TBL1X: variants seen among roughly 807,000 people sequenced by gnomAD.
The protein encoded by TBL1X is F-box-like/WD repeat-containing protein TBL1X.
A neutral mutation model predicts 50.7 loss-of-function variants in TBL1X; 10 were observed. That is an observed-to-expected ratio of 0.20 (90% CI 0.12 to 0.33). The LOEUF (loss-of-function observed/expected upper bound fraction) is 0.33. Among genes scored for constraint, TBL1X ranks in the 10% least tolerant of loss-of-function variants. The probability of loss-of-function intolerance (pLI) is 1.00; values close to 1 mark genes in which losing one functional copy is unlikely to be tolerated. For missense variants in TBL1X, 340 were observed against 504.4 expected (o/e 0.67, Z 3.12); for synonymous variants, 190 against 214.7 (o/e 0.88, Z 1.01).
At chrX:9,488,032 C>T (rs1001177510) in intron 1 of TBL1X, among the ~76,000 whole-genome samples, 2 of 111,678 alleles carry the variant, frequency 1.8e-5, no homozygotes, top group South Asian at 3.7e-4. Flanking sequence ...TTACTTTTCC[C>T]GGGTTGGGTT....
chrX:9,708,509 C>A (rs184283485), intron 13 of TBL1X, among the ~76,000 whole-genome samples: 54 of 111,381 alleles, frequency 4.8e-4, no homozygotes, highest in African/African-American at 1.8e-3. Context: ...TCATGTTTAC[C>A]CCTCCCTCCG....
At chrX:9,629,575 CG>C (rs1202154709) in intron 2 of TBL1X, among the ~76,000 whole-genome samples, 3 of 112,228 alleles carry the variant, frequency 2.7e-5, no homozygotes. Context: ...AGTGAGTATG[CG>C]TGTGTTTCTC....
At chrX:9,497,726 C>T (rs1049109062) in intron 1 of TBL1X, among the ~76,000 whole-genome samples, 14 of 106,679 alleles carry the variant, frequency 1.3e-4, no homozygotes, top group Admixed American at 1.3e-3. Flanking sequence ...TCCAGGAGAT[C>T]GAGATTAGCG....
intron 2 of TBL1X, among the ~76,000 whole-genome samples, chrX:9,576,443 A>G (rs2082412203): frequency 8.9e-6 from 1 of 112,369 alleles, no homozygotes; most frequent in Non-Finnish European, 1.9e-5. Context: ...AGATGGGGCC[A>G]GATATCTTGC....
At chrX:9,584,848 T>C (rs1352722175) in intron 2 of TBL1X, among the ~76,000 whole-genome samples, 5 of 111,372 alleles carry the variant, frequency 4.5e-5, no homozygotes, top group Non-Finnish European at 9.4e-5. Context: ...ACAGGAAGTG[T>C]CTGTTTAGTG....
intron 2 of TBL1X, among the ~76,000 whole-genome samples, chrX:9,609,336 G>GGTGTGTGTGTGTGTGTGTGTGTGT (rs775969638): frequency 4.2e-5 from 4 of 94,774 alleles, no homozygotes; most frequent in African/African-American, 1.6e-4. Context: ...TTTTCTTCCA[G>GGTGTGTGTGTGTGTGTGTGTGTGT]GTGTGTGTGT....
intron 2 of TBL1X, among the ~76,000 whole-genome samples, chrX:9,589,512 C>T (rs1181419296): frequency 9.0e-6 from 1 of 111,207 alleles, no homozygotes; most frequent in East Asian, 2.8e-4. Context: ...TGGACTGAGC[C>T]TTCCGATCGG....
intron 1 of TBL1X, among the ~76,000 whole-genome samples, chrX:9,470,368 C>T (rs2081806128): frequency 8.9e-6 from 1 of 112,735 alleles, no homozygotes; most frequent in African/African-American, 3.2e-5. Flanking sequence ...CGATTCTCCT[C>T]CTCAGCCTCC....
chrX:9,608,857 G>A (rs749667057), intron 2 of TBL1X, among the ~76,000 whole-genome samples: 5 of 112,192 alleles, frequency 4.5e-5, no homozygotes, highest in Admixed American at 9.4e-5. Flanking sequence ...GGAAGCTCAG[G>A]GAGCAGCTGC....
chrX:9,618,780 GA>G (rs1358038297), intron 2 of TBL1X, among the ~76,000 whole-genome samples: 6 of 112,278 alleles, frequency 5.3e-5, no homozygotes, highest in Non-Finnish European at 9.4e-5. Flanking sequence ...CTATATCTAA[GA>G]AAAAAACTAT....
chrX:9,591,009 C>T (rs904819565), intron 2 of TBL1X, among the ~76,000 whole-genome samples: 2 of 104,993 alleles, frequency 1.9e-5, no homozygotes, highest in Admixed American at 1.0e-4. Context: ...GTTGGGGGGA[C>T]GGGTATGGGG....
intron 2 of TBL1X, among the ~76,000 whole-genome samples, chrX:9,530,148 T>C (rs2082152954): frequency 8.9e-6 from 1 of 111,900 alleles, no homozygotes; most frequent in Non-Finnish European, 1.9e-5. Context: ...AGCCCTGTTA[T>C]TGTTGATGTC....
chrX:9,607,070 T>G (rs2082587399), intron 2 of TBL1X, among the ~76,000 whole-genome samples: 2 of 112,649 alleles, frequency 1.8e-5, no homozygotes, highest in South Asian at 7.3e-4. Flanking sequence ...TTTGTTGCTC[T>G]TGGCTCTCAC....
chrX:9,663,624 G>A (rs1037141022), intron 5 of TBL1X, among the ~76,000 whole-genome samples: 4 of 111,141 alleles, frequency 3.6e-5, no homozygotes, highest in Non-Finnish European at 7.5e-5. Context: ...AGCCAGGCGT[G>A]GTGGCACATG....
chrX:9,604,966 A>G (rs1213913153), intron 2 of TBL1X, among the ~76,000 whole-genome samples: 3 of 111,354 alleles, frequency 2.7e-5, no homozygotes, highest in Admixed American at 9.5e-5. Flanking sequence ...CTTTCAAGAC[A>G]CTGTGGCTCT....
chrX:9,477,404 A>G (rs1363690762), intron 1 of TBL1X, among the ~76,000 whole-genome samples: 2 of 112,232 alleles, frequency 1.8e-5, no homozygotes, highest in Non-Finnish European at 3.8e-5. Flanking sequence ...CCAGATGTTC[A>G]TTGGAGTGGA....
chrX:9,679,300 G>A (rs1290582413), intron 5 of TBL1X, among the ~76,000 whole-genome samples: 1 of 110,572 alleles, frequency 9.0e-6, no homozygotes, highest in Non-Finnish European at 1.9e-5. Context: ...CATCTAGTGG[G>A]TAGAGGCCGG....
chrX:9,660,579 G>T (rs2082892045), intron 5 of TBL1X, among the ~76,000 whole-genome samples: 1 of 111,648 alleles, frequency 9.0e-6, no homozygotes. Flanking sequence ...GTTCTGATTT[G>T]CCCTGATTCG....
chrX:9,698,772 T>C (rs1020888453), intron 12 of TBL1X, among the ~76,000 whole-genome samples: 1 of 111,821 alleles, frequency 8.9e-6, no homozygotes, highest in African/African-American at 3.2e-5. Context: ...AGGGCCGGCC[T>C]TGCAAGCAAG....
Sources: gnomAD v4.1 joint callset for allele counts (sites outside exome capture counted in the v4.1 genomes callset) on GRCh38, gnomAD v4.1.1 for gene constraint, MANE v1.5 for transcripts, NCBI Gene and HGNC (gene_info 2026-07-23, HGNC 2026-07-21) for gene names.